The following FAM163B variants were observed in gnomAD, a reference collection of about 807,000 sequenced individuals.
FAM163B encodes protein FAM163B.
Under a neutral mutation model 7.6 loss-of-function variants are expected in FAM163B, and 4 were observed. The observed-to-expected ratio is 0.52, with a 90% CI of 0.26 to 1.20. The LOEUF is 1.20. Ranked by LOEUF, FAM163B falls within the 50% of genes most tolerant of loss-of-function variation. The pLI is 0.14. For missense variants in FAM163B, 250 were observed against 243.0 expected (o/e 1.03, Z -0.19); for synonymous variants, 120 against 111.6 (o/e 1.07, Z -0.47).
chr9:133,597,764 C>T lies in FAM163B; in HGVS notation c.-24+11313G>A, dbSNP rs147585053. 1.5e-3 allele frequency among the ~76,000 whole-genome samples: 232 copies of T among 151,798 alleles called. 10 individuals carry two copies. In the East Asian group the frequency reaches 0.038, roughly 25 times the overall value. ...AAGGGCTGCATGACCTACAAGGGCT[C>T]GAAGGTAAGAATGACAGCAGACTCC... is the stretch of plus-strand genomic sequence containing the variant. On this transcript the variant is annotated intron_variant, in intron 1 of 2. Transcript: ENST00000673969.
intron 1 of FAM163B, among the ~76,000 whole-genome samples, chr9:133,595,554 C>CT (rs1831617665): frequency 6.6e-6 from 1 of 152,168 alleles, no homozygotes; most frequent in Admixed American, 6.5e-5. Context: ...GCATTGTGCT[C>CT]TCCCCGATCT....
intron 1 of FAM163B, 57 bp from the exon 2 acceptor site, chr9:133,580,303 C>A: frequency 7.6e-7 from 1 of 1,320,686 alleles, no homozygotes. Context: ...AAAAGTCACT[C>A]GTGCTATTCT....
Position 133,600,996 on chromosome 9 carries a change from T to C in FAM163B, c.-24+8081A>G, listed in dbSNP as rs1372842815. Among the ~76,000 whole-genome samples, 2 of 152,028 alleles carry C rather than the reference T, an allele frequency of 1.3e-5. No homozygotes were observed. Among genetic ancestry groups the C allele is most frequent in the Non-Finnish European group, 2.9e-5 (2 of 67,988 alleles). ...TCTTCCCTGACATCAGCCCAAGTTC[T>C]CTCCCAAGTACCAGCCATGAGGACC... is the stretch of plus-strand genomic sequence containing the variant. On this transcript the variant is annotated intron_variant, in intron 1 of 2. Transcript: ENST00000673969. The surrounding 1 kb of genome is among the most constrained non-coding windows in gnomAD (Gnocchi z 4.9).
intron 1 of FAM163B, among the ~76,000 whole-genome samples, chr9:133,602,126 C>T (rs1831737742): frequency 6.6e-6 from 1 of 151,566 alleles, no homozygotes; most frequent in Non-Finnish European, 1.5e-5. Flanking sequence ...CCGCAGGGGC[C>T]ACTTGGCAGG....
intron 1 of FAM163B, among the ~76,000 whole-genome samples, chr9:133,602,262 A>G (rs1223657017): frequency 2.6e-5 from 4 of 152,216 alleles, no homozygotes; most frequent in African/African-American, 4.8e-5. Flanking sequence ...CAAGTGGGAA[A>G]GAGCCAGGCC....
intron 1 of FAM163B, among the ~76,000 whole-genome samples, chr9:133,592,022 C>G (rs371494972): frequency 6.6e-6 from 1 of 152,098 alleles, no homozygotes; most frequent in Non-Finnish European, 1.5e-5. Flanking sequence ...CCCTAGTGCT[C>G]GCGGCCTGGC....
intron 1 of FAM163B, among the ~76,000 whole-genome samples, chr9:133,583,573 C>T (rs2131220976): frequency 1.3e-5 from 2 of 152,336 alleles, no homozygotes; most frequent in South Asian, 4.1e-4. Context: ...CGTGTCCCTC[C>T]CTGGGTCTGA....
At position 133,579,163 on chromosome 9, in the gene FAM163B, G is replaced by A. The variant is rs534382587; in HGVS notation, c.360C>T (p.Arg120=). The A allele has an allele frequency of 7.6e-4, 1,217 of 1,610,570 alleles. 2 individuals are homozygous for A. The highest frequency in any genetic ancestry group is 4.2e-3 in the African/African-American group (315 of 75,026). The change falls in exon 3 of 3, where the codon CGC becomes CGT. Residue 120 remains arginine (R), a synonymous_variant. Transcript: ENST00000673969. Reference sequence around the variant, plus strand: ...CCTGGCTCACGCTCTTGTAGAGCACGCGCTCCCCGCCGTTCAGCACGTCCT... The same window carrying A: ...CCTGGCTCACGCTCTTGTAGAGCACACGCTCCCCGCCGTTCAGCACGTCCT... ...EEEDVLNGGE[R]VLYKSVSQED...
At chr9:133,589,449 T>C (rs369376364) in intron 1 of FAM163B, among the ~76,000 whole-genome samples, 153 of 152,190 alleles carry the variant, frequency 1.0e-3, no homozygotes, top group African/African-American at 3.5e-3. Context: ...GCTCCAGGGG[T>C]GAACATGGTG....
chr9:133,594,814 A>G (rs1217351715), intron 1 of FAM163B, among the ~76,000 whole-genome samples: 2 of 152,130 alleles, frequency 1.3e-5, no homozygotes, highest in African/African-American at 2.4e-5. Flanking sequence ...GAGGATGAGT[A>G]GCGAGAAGAT....
Position 133,606,595 on chromosome 9 carries a change from G to T in FAM163B, c.-24+2482C>A, listed in dbSNP as rs1396485165. 6.6e-6 allele frequency among the ~76,000 whole-genome samples: 1 copy of T among 152,218 alleles called. No individual in the cohort carries two copies. The highest frequency in any genetic ancestry group is 1.5e-5 in the Non-Finnish European group (1 of 68,038). On this transcript the variant is annotated intron_variant, in intron 1 of 2. Transcript: ENST00000673969. The surrounding 1 kb of genome is among the most constrained non-coding windows in gnomAD (Gnocchi z 4.0). Reference sequence around the variant, plus strand: ...CACCCTCATTTTTGCAGATGGGGATGCGGAATGATGCACCCGTGGTCTGGC... The same window carrying T: ...CACCCTCATTTTTGCAGATGGGGATTCGGAATGATGCACCCGTGGTCTGGC...
intron 1 of FAM163B, among the ~76,000 whole-genome samples, chr9:133,607,762 A>C (rs2131267423): frequency 6.6e-6 from 1 of 152,360 alleles, no homozygotes; most frequent in Non-Finnish European, 1.5e-5. Flanking sequence ...ACTGCCAGCA[A>C]GTGCAAGACC....
intron 1 of FAM163B, among the ~76,000 whole-genome samples, chr9:133,598,306 C>A (rs1157532695): frequency 6.6e-6 from 1 of 151,470 alleles, no homozygotes; most frequent in Non-Finnish European, 1.5e-5. Flanking sequence ...TGGGGTGGAA[C>A]AAGGCACAGG....
In FAM163B at chr9:133,579,334, G is replaced by T; in HGVS notation, c.189C>A (p.Asn63Lys). Residue 63 changes from asparagine (N) to lysine (K), a missense_variant, in exon 3 of 3, where the codon AAC (asparagine) becomes AAA (lysine). Coordinates refer to ENST00000673969, the MANE Select transcript of FAM163B (RefSeq NM_001080515.3). ...GCGCCGGCCCGTTGGTCAGCACCAG[G>T]TTGCGGTTGGAGTGCAGCGGGGGCA... ...SHLPPLHSNR[N>K]LVLTNGPALY... 1 of 1,613,740 alleles carries T rather than the reference G, an allele frequency of 6.2e-7. No homozygotes were observed. The highest frequency in any genetic ancestry group is 8.5e-7 in the Non-Finnish European group (1 of 1,179,970).
At chr9:133,590,615 C>T (rs1831538035) in intron 1 of FAM163B, among the ~76,000 whole-genome samples, 1 of 152,180 alleles carries the variant, frequency 6.6e-6, no homozygotes, top group South Asian at 2.1e-4. Context: ...CCTGGATGCT[C>T]AGTAAAGCCC....
At chr9:133,582,480 C>T (rs1831370881) in intron 1 of FAM163B, among the ~76,000 whole-genome samples, 1 of 152,208 alleles carries the variant, frequency 6.6e-6, no homozygotes, top group African/African-American at 2.4e-5. Flanking sequence ...CCGCTGCTAC[C>T]ATCCACCTTG....
At chr9:133,593,962 T>C (rs1385502337) in intron 1 of FAM163B, among the ~76,000 whole-genome samples, 2 of 152,148 alleles carry the variant, frequency 1.3e-5, no homozygotes, top group African/African-American at 2.4e-5. Flanking sequence ...CCCAGATCCA[T>C]GGGGCTGGCT....
At position 133,579,165 on chromosome 9, in the gene FAM163B, G is replaced by A. The variant is rs762916999; in HGVS notation, c.358C>T (p.Arg120Cys). The A allele has an allele frequency of 2.3e-5, 37 of 1,610,492 alleles. No individual in the cohort carries two copies. Among genetic ancestry groups the A allele is most frequent in the African/African-American group, 6.7e-5 (5 of 75,026 alleles). The stretch of plus-strand genomic sequence containing the variant: ...TGGCTCACGCTCTTGTAGAGCACGC[G>A]CTCCCCGCCGTTCAGCACGTCCTCT... ...EEEDVLNGGE[R>C]VLYKSVSQED... Residue 120 changes from arginine to cysteine, a missense_variant, in exon 3 of 3, where the codon CGC becomes TGC. By Grantham distance (180) the Arg-to-Cys change is radical. Coordinates refer to ENST00000673969, the MANE Select transcript of FAM163B (RefSeq NM_001080515.3).
Position 133,600,204 on chromosome 9 carries a change from TGA to T in FAM163B, c.-24+8871_-24+8872del, listed in dbSNP as rs1254875955. ...TGTGTATGTGGGAATGTGGTCTGTGTGAGTGTGTGTGTGTGGGGGGGAATGTG... is the reference window on the plus strand; with the variant it reads ...TGTGTATGTGGGAATGTGGTCTGTGTGTGTGTGTGTGTGGGGGGGAATGTG... On this transcript the variant is annotated intron_variant, in intron 1 of 2. Transcript: ENST00000673969. This position sits in a 1 kb window ranked among gnomAD's most constrained non-coding sequence, Gnocchi z 4.9. 4.3e-4 allele frequency among the ~76,000 whole-genome samples: 65 copies of T among 150,412 alleles called. No individual in the cohort carries two copies. In the South Asian group the frequency reaches 8.6e-3, roughly 20 times the overall value.
Sources: allele counts gnomAD v4.1 joint callset (sites outside exome capture counted in the v4.1 genomes callset), GRCh38; gene constraint gnomAD v4.1.1; non-coding constraint Gnocchi (gnomAD v3.1); transcripts MANE v1.5; gene names NCBI Gene and HGNC (gene_info 2026-07-23, HGNC 2026-07-21).